Variants in NAALADL2 observed in about 807,000 individuals in gnomAD.
The protein encoded by NAALADL2 is N-acetylated alpha-linked acidic dipeptidase like 2, also known as inactive N-acetylated-alpha-linked acidic dipeptidase-like protein 2.
Under a neutral mutation model 87.2 loss-of-function variants are expected in NAALADL2, and 76 were observed. That is an observed-to-expected ratio of 0.87 (90% confidence interval 0.72 to 1.05). The LOEUF is 1.05. Among genes scored for constraint, NAALADL2 ranks in the 50% least tolerant of loss-of-function variants. NAALADL2 has a pLI of 0.00. For missense variants in NAALADL2, 1,089 were observed against 945.8 expected (o/e 1.15, Z -1.99); for synonymous variants, 354 against 331.0 (o/e 1.07, Z -0.75).
intron 3 of NAALADL2, among the ~76,000 whole-genome samples, chr3:175,241,854 A>AGTTTTTT (rs1746948413): frequency 2.8e-5 from 1 of 35,878 alleles, no homozygotes; most frequent in Non-Finnish European, 6.8e-5. Context: ...CTGGATGCTG[A>AGTTTTTT]ATTTTTTTTT....
At chr3:174,643,634 G>A (rs1242341032) in intron 2 of NAALADL2, among the ~76,000 whole-genome samples, 1 of 152,086 alleles carries the variant, frequency 6.6e-6, no homozygotes, top group African/African-American at 2.4e-5. Context: ...AGCCTGGGCA[G>A]TAGAGCTAGA....
intron 1 of NAALADL2, among the ~76,000 whole-genome samples, chr3:174,958,718 T>C (rs1046291037): frequency 6.6e-6 from 1 of 152,220 alleles, no homozygotes. Flanking sequence ...AATAGGTTAA[T>C]ACATTTGTTG....
intron 1 of NAALADL2, among the ~76,000 whole-genome samples, chr3:175,013,734 C>G (rs1750459440): frequency 6.6e-6 from 1 of 152,022 alleles, no homozygotes; most frequent in Admixed American, 6.6e-5. Context: ...CTAGTCCATC[C>G]AGAAGCGGCC....
chr3:175,735,612 A>G (rs1305144683), intron 11 of NAALADL2, among the ~76,000 whole-genome samples: 1 of 152,178 alleles, frequency 6.6e-6, no homozygotes, highest in East Asian at 1.9e-4. Context: ...GGTGGCAGGA[A>G]AAAAGAGAGC....
chr3:174,497,814 G>A (rs962890466), intron 1 of NAALADL2, among the ~76,000 whole-genome samples: 1 of 152,118 alleles, frequency 6.6e-6, no homozygotes, highest in Non-Finnish European at 1.5e-5. Flanking sequence ...ACTAAAATAT[G>A]TGACAATATA....
At chr3:174,915,627 A>C (rs1734269423) in intron 1 of NAALADL2, among the ~76,000 whole-genome samples, 1 of 152,174 alleles carries the variant, frequency 6.6e-6, no homozygotes, top group South Asian at 2.1e-4. Flanking sequence ...GGAAAACAAA[A>C]TAAGTCAGTT....
chr3:174,745,384 G>A (rs538394728), intron 3 of NAALADL2, among the ~76,000 whole-genome samples: 15 of 152,132 alleles, frequency 9.9e-5, no homozygotes, highest in African/African-American at 3.6e-4. Flanking sequence ...CCTTCCAAGA[G>A]TAAACCAGGA....
chr3:175,791,614 A>G (rs1417448570), intron 13 of NAALADL2, among the ~76,000 whole-genome samples: 3 of 152,156 alleles, frequency 2.0e-5, no homozygotes, highest in Non-Finnish European at 4.4e-5. Flanking sequence ...CAGTGGGGGT[A>G]TCTCAAACAT....
chr3:174,765,101 TACAC>T (rs761032906), intron 3 of NAALADL2, among the ~76,000 whole-genome samples: 19 of 139,656 alleles, frequency 1.4e-4, no homozygotes, highest in Non-Finnish European at 2.2e-4. Flanking sequence ...CTGGATAAAA[TACAC>T]ACAGAAATAC....
intron 11 of NAALADL2, among the ~76,000 whole-genome samples, chr3:175,710,881 T>C (rs965240931): frequency 1.8e-4 from 27 of 151,904 alleles, no homozygotes; most frequent in African/African-American, 6.5e-4. Flanking sequence ...ATGTAGTTGA[T>C]CAGGGAAAAT....
chr3:174,768,113 C>T (rs1055678510), intron 3 of NAALADL2, among the ~76,000 whole-genome samples: 1 of 152,134 alleles, frequency 6.6e-6, no homozygotes, highest in Non-Finnish European at 1.5e-5. Flanking sequence ...TTTTGGAGAA[C>T]ATAGAAACCC....
intron 9 of NAALADL2, among the ~76,000 whole-genome samples, chr3:175,522,495 G>A (rs1732789254): frequency 6.6e-6 from 1 of 152,172 alleles, no homozygotes; most frequent in Non-Finnish European, 1.5e-5. Context: ...GTGCTTTTCA[G>A]TGGAAACAAA....
At chr3:175,072,253 G>A (rs1206886179) in intron 1 of NAALADL2, among the ~76,000 whole-genome samples, 1 of 152,082 alleles carries the variant, frequency 6.6e-6, no homozygotes, top group Non-Finnish European at 1.5e-5. Context: ...CCATAGGCAA[G>A]TGACCTAACC....
chr3:175,283,624 T>C (rs906617504), intron 4 of NAALADL2, among the ~76,000 whole-genome samples: 5 of 152,096 alleles, frequency 3.3e-5, no homozygotes, highest in Admixed American at 2.6e-4. Context: ...AACATAAAGT[T>C]ATGGTAAAGC....
intron 1 of NAALADL2, among the ~76,000 whole-genome samples, chr3:174,474,394 A>G (rs756843817): frequency 1.3e-5 from 2 of 152,292 alleles, no homozygotes; most frequent in Non-Finnish European, 1.5e-5. Flanking sequence ...TTCTCATGTC[A>G]TAATAGAGAT....
intron 1 of NAALADL2, among the ~76,000 whole-genome samples, chr3:174,910,187 A>T (rs1438724001): frequency 6.6e-6 from 1 of 152,050 alleles, no homozygotes; most frequent in Non-Finnish European, 1.5e-5. Context: ...TCACATAGAG[A>T]TCGTCAGAAG....
chr3:175,786,950 G>A (rs919942241), intron 13 of NAALADL2, among the ~76,000 whole-genome samples: 2 of 151,690 alleles, frequency 1.3e-5, no homozygotes, highest in Admixed American at 6.6e-5. Context: ...CTCAGCTGCA[G>A]GTCTGTTGGA....
At chr3:174,521,256 G>C (rs1301932237) in intron 1 of NAALADL2, among the ~76,000 whole-genome samples, 1 of 152,156 alleles carries the variant, frequency 6.6e-6, no homozygotes, top group Admixed American at 6.5e-5. Flanking sequence ...ATCAACCTAA[G>C]TGTCCATCAA....
At chr3:174,951,655 C>T (rs1018878539) in intron 1 of NAALADL2, among the ~76,000 whole-genome samples, 3 of 152,070 alleles carry the variant, frequency 2.0e-5, no homozygotes, top group African/African-American at 7.2e-5. Context: ...ATTCTTTTTA[C>T]TTGTCGATAG....
Sources: allele counts gnomAD v4.1 joint callset (sites outside exome capture counted in the v4.1 genomes callset), GRCh38; gene constraint gnomAD v4.1.1; transcripts MANE v1.5; gene names NCBI Gene and HGNC (gene_info 2026-07-23, HGNC 2026-07-21).